The following RBFOX1 variants were observed in gnomAD, a reference collection of about 807,000 sequenced individuals.
The protein encoded by RBFOX1 is RNA binding protein fox-1 homolog 1.
A neutral mutation model predicts 57.7 loss-of-function variants in RBFOX1; 8 were observed. That is an observed-to-expected ratio of 0.14 (90% CI 0.08 to 0.25). The LOEUF (loss-of-function observed/expected upper bound fraction) is 0.25. Ranked by LOEUF, RBFOX1 falls within the 10% of genes least tolerant of loss-of-function variation. The probability of loss-of-function intolerance (pLI) is 1.00; values close to 1 mark genes in which losing one functional copy is unlikely to be tolerated. For missense variants in RBFOX1, 611 were observed against 548.5 expected (o/e 1.11, Z -1.14); for synonymous variants, 326 against 222.4 (o/e 1.47, Z -4.15).
chr16:6,063,071 C>G (rs891415663), intron 1 of RBFOX1, among the ~76,000 whole-genome samples: 92 of 152,322 alleles, frequency 6.0e-4, no homozygotes, highest in African/African-American at 2.1e-3. Flanking sequence ...TCATTCACAT[C>G]TGTAAAATAC....
At position 7,145,407 on chromosome 16, in the gene RBFOX1, A is replaced by G. The variant is rs577291067; in HGVS notation, c.27+93309A>G. Among the ~76,000 whole-genome samples, 160 of 152,170 alleles carry G rather than the reference A, an allele frequency of 1.1e-3. 1 individual carries two copies. The highest frequency in any genetic ancestry group is 3.6e-3 in the African/African-American group (151 of 41,540). On this transcript the variant is annotated intron_variant, in intron 4 of 15. Transcript: ENST00000550418. ...TTTTAAATACAGACGGGGTTTCACC[A>G]TGTTGGCCAGTCTGGTCTTGAACTC...
At chr16:7,332,452 AT>A (rs538323743) in intron 4 of RBFOX1, among the ~76,000 whole-genome samples, 1 of 151,970 alleles carries the variant, frequency 6.6e-6, no homozygotes, top group African/African-American at 2.4e-5. Context: ...ATATCTTCTT[AT>A]TTTTTTTCTA....
intron 4 of RBFOX1, among the ~76,000 whole-genome samples, chr16:5,952,682 C>T (rs2059545338): frequency 6.6e-6 from 1 of 152,096 alleles, no homozygotes; most frequent in Admixed American, 6.5e-5. Flanking sequence ...TCTCCCGCTT[C>T]AGAATGCCGT....
intron 4 of RBFOX1, among the ~76,000 whole-genome samples, chr16:7,324,243 AATAAT>A (rs1446663638): frequency 2.0e-5 from 3 of 152,118 alleles, no homozygotes; most frequent in Non-Finnish European, 4.4e-5. Flanking sequence ...CTAAAGAGAA[AATAAT>A]AGGCAGAAAG....
chr16:6,243,105 A>G (rs1185260043), intron 1 of RBFOX1, among the ~76,000 whole-genome samples: 1 of 151,720 alleles, frequency 6.6e-6, no homozygotes, highest in Admixed American at 6.6e-5. Flanking sequence ...TATTCTTATT[A>G]GTAGCTGCAG....
intron 3 of RBFOX1, among the ~76,000 whole-genome samples, chr16:6,903,944 A>G (rs1462751552): frequency 1.3e-5 from 2 of 152,118 alleles, no homozygotes; most frequent in Admixed American, 6.5e-5. Context: ...GGCTGGCACC[A>G]TTTGGAGGTA....
chr16:6,849,026 A>T (rs1400790949), intron 3 of RBFOX1, among the ~76,000 whole-genome samples: 1 of 152,210 alleles, frequency 6.6e-6, no homozygotes, highest in Non-Finnish European at 1.5e-5. Context: ...ACCATTGGCC[A>T]GGCTTACGTG....
intron 4 of RBFOX1, among the ~76,000 whole-genome samples, chr16:7,261,819 T>C (rs1014210086): frequency 6.6e-6 from 1 of 152,214 alleles, no homozygotes; most frequent in Non-Finnish European, 1.5e-5. Flanking sequence ...AAAGCATTAC[T>C]GATATCCAGA....
At chr16:5,369,766 C>T (rs968910603) in intron 1 of RBFOX1, among the ~76,000 whole-genome samples, 1 of 152,222 alleles carries the variant, frequency 6.6e-6, no homozygotes, top group South Asian at 2.1e-4. Context: ...ACCTCACCTG[C>T]TCTACTCATT....
chr16:7,288,100 C>G (rs745661759), intron 4 of RBFOX1, among the ~76,000 whole-genome samples: 63 of 152,120 alleles, frequency 4.1e-4, no homozygotes, highest in Non-Finnish European at 6.8e-4. Context: ...TGAGATTTTT[C>G]TACCTTCACC....
chr16:6,895,444 G>GTATATACATA (rs1341028814), intron 3 of RBFOX1, among the ~76,000 whole-genome samples: 2 of 73,474 alleles, frequency 2.7e-5, no homozygotes, highest in African/African-American at 6.2e-5. Flanking sequence ...GTGTGTGTGT[G>GTATATACATA]TGTGTATATA....
chr16:6,659,054 G>A (rs988797571), intron 3 of RBFOX1, among the ~76,000 whole-genome samples: 11 of 151,856 alleles, frequency 7.2e-5, no homozygotes, highest in Middle Eastern at 3.4e-3. Flanking sequence ...CACAAAACCC[G>A]ATGCGTTTGA....
chr16:6,355,464 T>C (rs981278548), intron 2 of RBFOX1, among the ~76,000 whole-genome samples: 1 of 152,218 alleles, frequency 6.6e-6, no homozygotes, highest in African/African-American at 2.4e-5. Flanking sequence ...GGACATGAAC[T>C]CATCCTTTTT....
At chr16:5,329,861 G>C (rs966034846) in intron 1 of RBFOX1, among the ~76,000 whole-genome samples, 4 of 152,080 alleles carry the variant, frequency 2.6e-5, no homozygotes, top group East Asian at 3.9e-4. Flanking sequence ...TATTAGCCAG[G>C]TGTGATGGCA....
intron 2 of RBFOX1, among the ~76,000 whole-genome samples, chr16:6,338,262 C>T (rs2084040644): frequency 6.6e-6 from 1 of 152,116 alleles, no homozygotes; most frequent in African/African-American, 2.4e-5. Flanking sequence ...TCCTTTTGAT[C>T]CATAATTATA....
intron 3 of RBFOX1, among the ~76,000 whole-genome samples, chr16:6,897,158 C>T (rs1300049542): frequency 6.6e-6 from 1 of 152,196 alleles, no homozygotes; most frequent in Admixed American, 6.5e-5. Flanking sequence ...CAAGCTGACA[C>T]AGCGGCTGTA....
chr16:5,618,384 C>G (rs1267128435), intron 3 of RBFOX1, among the ~76,000 whole-genome samples: 2 of 152,002 alleles, frequency 1.3e-5, no homozygotes, highest in Admixed American at 1.3e-4. Flanking sequence ...GTCACCCAGG[C>G]TGCAGTGCAG....
intron 2 of RBFOX1, among the ~76,000 whole-genome samples, chr16:6,574,515 G>A (rs902015176): frequency 1.4e-5 from 2 of 138,264 alleles, no homozygotes; most frequent in Non-Finnish European, 1.5e-5. Context: ...TGCAAGCTCC[G>A]CTTCCAGGGT....
At chr16:5,360,424 C>A (rs988697601) in intron 1 of RBFOX1, among the ~76,000 whole-genome samples, 1 of 152,214 alleles carries the variant, frequency 6.6e-6, no homozygotes, top group Non-Finnish European at 1.5e-5. Flanking sequence ...GAAAAGGTGC[C>A]AGGCTGGCTG....
Sources: gnomAD v4.1 joint callset for allele counts (sites outside exome capture counted in the v4.1 genomes callset) on GRCh38, gnomAD v4.1.1 for gene constraint, MANE v1.5 for transcripts, NCBI Gene and HGNC (gene_info 2026-07-23, HGNC 2026-07-21) for gene names.